Variants in PCDHA5 observed in about 807,000 individuals in gnomAD.
PCDHA5 encodes the protein protocadherin alpha 5.
A neutral mutation model predicts 61.6 loss-of-function variants in PCDHA5; 43 were observed. The ratio of observed to expected loss-of-function variants is 0.70; its 90% CI spans 0.55 to 0.90. The LOEUF (loss-of-function observed/expected upper bound fraction) is 0.90. Among genes scored for constraint, PCDHA5 ranks in the 40% least tolerant of loss-of-function variants. The probability of loss-of-function intolerance (pLI) is 0.00; values close to 1 mark genes in which losing one functional copy is unlikely to be tolerated. For synonymous variants in PCDHA5, 627 were observed against 543.9 expected, an observed-to-expected ratio of 1.15 and a Z score of -2.13; for missense variants, 1,298 against 1,222.7, an observed-to-expected ratio of 1.06 and a Z score of -0.92.
rs1554149565 is a variant in PCDHA5, at chr5:140,857,132, G to T, written c.2352+33005G>T. Reference sequence around the variant, plus strand: ...TCTGTCTCTCCCAGTGAAAGAAGATGCTCAAGTGGGCACCGTCATTGCCCT... The same window carrying T: ...TCTGTCTCTCCCAGTGAAAGAAGATTCTCAAGTGGGCACCGTCATTGCCCT... On this transcript the variant is annotated intron_variant, in intron 1 of 3. Coordinates refer to ENST00000529859, the MANE Select transcript of PCDHA5 (RefSeq NM_018908.3). The T allele has an allele frequency of 3.1e-6, 5 of 1,598,146 alleles. 1 individual carries two copies. The South Asian group carries it at 3.3e-5, about 11-fold the overall frequency.
rs1192658029 is a variant in PCDHA5 at position 141,011,915 on chromosome 5, A to G, written c.*1978A>G. On this transcript the variant is annotated 3_prime_UTR_variant, in exon 4 of 4. Coordinates refer to ENST00000529859, the MANE Select transcript of PCDHA5 (RefSeq NM_018908.3). Reference sequence around the variant, plus strand: ...ATATTATCTATTTAGGCATTAATATAAAAGAGGTAGGAGTCTGTTATTTAA... The same window carrying G: ...ATATTATCTATTTAGGCATTAATATGAAAGAGGTAGGAGTCTGTTATTTAA... 1 of 153,728 alleles carries G rather than the reference A, an allele frequency of 6.5e-6. No homozygotes were observed. Among genetic ancestry groups the G allele is most frequent in the Admixed American group, 6.5e-5 (1 of 15,286 alleles). 9.5% of individuals were successfully genotyped at this position (153,728 alleles called of 1,614,324 possible). A position where few individuals can be genotyped will look rare whatever the true frequency, so the allele number is the denominator to read the frequency against.
At position 140,823,110 on chromosome 5, in the gene PCDHA5, C is replaced by A. The variant is rs2150122404; in HGVS notation, c.1335C>A (p.Ala445=). ...WATASVSVEV[A]DVNDNAPAFA... Reference sequence around the variant, plus strand: ...CCGCCAGCGTGTCTGTGGAAGTGGCCGACGTGAACGACAACGCTCCGGCGT... The same window carrying A: ...CCGCCAGCGTGTCTGTGGAAGTGGCAGACGTGAACGACAACGCTCCGGCGT... Residue 445 remains alanine (A), a synonymous_variant, in exon 1 of 4, where the codon GCC becomes GCA. Transcript: ENST00000529859. 1 of 1,614,002 alleles carries A rather than the reference C, an allele frequency of 6.2e-7. No individual in the cohort carries two copies. The highest frequency in any genetic ancestry group is 2.2e-5 in the East Asian group (1 of 44,876).
At position 140,836,025 on chromosome 5, in the gene PCDHA5, A is replaced by G. The variant is rs2150250973; in HGVS notation, c.2352+11898A>G. 6 of 1,613,528 alleles carry G rather than the reference A, an allele frequency of 3.7e-6. 1 individual carries two copies. In the South Asian group the frequency reaches 5.5e-5, roughly 15 times the overall value. Reference sequence around the variant, plus strand: ...TGCGGGCGTGCCGCCTCTGGGCAGCAACGTGACGCTGCAGGTGTTCGTGCT... The same window carrying G: ...TGCGGGCGTGCCGCCTCTGGGCAGCGACGTGACGCTGCAGGTGTTCGTGCT... On this transcript the variant is annotated intron_variant, in intron 1 of 3. Coordinates refer to ENST00000529859, the MANE Select transcript of PCDHA5 (RefSeq NM_018908.3).
chr5:140,909,895 C>A (rs1296442880), intron 1 of PCDHA5, among the ~76,000 whole-genome samples: 1 of 152,152 alleles, frequency 6.6e-6, no homozygotes, highest in Non-Finnish European at 1.5e-5. Context: ...GTTCAGTAGT[C>A]CCTGAAATGG....
chr5:140,923,508 G>C (rs570497442), intron 1 of PCDHA5, among the ~76,000 whole-genome samples: 1 of 152,222 alleles, frequency 6.6e-6, no homozygotes, highest in Non-Finnish European at 1.5e-5. Flanking sequence ...CAGCCTGGAT[G>C]ATGAAGTGAG....
chr5:140,844,744 G>C (rs1779527366), intron 1 of PCDHA5, among the ~76,000 whole-genome samples: 1 of 149,016 alleles, frequency 6.7e-6, no homozygotes, highest in Non-Finnish European at 1.5e-5. Flanking sequence ...TAGTATTATG[G>C]GATAAATCTT....
At chr5:140,902,938 C>T (rs2069876653) in intron 1 of PCDHA5, among the ~76,000 whole-genome samples, 1 of 152,186 alleles carries the variant, frequency 6.6e-6, no homozygotes. Flanking sequence ...ATATATACCA[C>T]ATTTTCTTTA....
rs2150495171 is a variant in PCDHA5, at chr5:140,850,706, G to C, written c.2352+26579G>C. 11 of 1,598,012 alleles carry C rather than the reference G, an allele frequency of 6.9e-6. 1 individual carries two copies. The highest frequency in any genetic ancestry group is 1.7e-5 in the Admixed American group (1 of 59,234). The stretch of plus-strand genomic sequence containing the variant: ...AGGGCGAGTGCGCGCCTGGCAAGCC[G>C]ACGCTGGTGTGTTCTAGCGCGGTGG... On this transcript the variant is annotated intron_variant, in intron 1 of 3. Transcript: ENST00000529859.
intron 3 of PCDHA5, among the ~76,000 whole-genome samples, chr5:141,000,365 C>G (rs1413548696): frequency 7.8e-5 from 1 of 12,832 alleles, no homozygotes; most frequent in Non-Finnish European, 1.3e-4. Flanking sequence ...CTCTCTGTCT[C>G]TCTCTCTCTC....
Position 140,892,397 on chromosome 5 carries a change from T to C in PCDHA5, c.2352+68270T>C, listed in dbSNP as rs554853881. On this transcript the variant is annotated intron_variant, in intron 1 of 3. Coordinates refer to ENST00000529859, the MANE Select transcript of PCDHA5 (RefSeq NM_018908.3). ...GCAATCATGGGTAATCTTAATCTAT[T>C]TCAAGCTTCAGGTATTCTAGATAAA... is the stretch of plus-strand genomic sequence containing the variant. Among the ~76,000 whole-genome samples the C allele has an allele frequency of 2.0e-5, 3 of 152,326 alleles. No homozygotes were observed. The South Asian group carries it at 6.2e-4, about 32-fold the overall frequency.
At chr5:140,858,173 C>G (rs782491809) in intron 1 of PCDHA5, 1 of 1,597,720 alleles carries the variant, frequency 6.3e-7, no homozygotes, top group Admixed American at 1.7e-5. Context: ...GTCCAGCTTG[C>G]TGGTGCTCAC....
intron 1 of PCDHA5, chr5:140,867,342 T>C (rs1397691528): frequency 6.6e-6 from 1 of 152,154 alleles, no homozygotes; most frequent in Non-Finnish European, 1.5e-5. Flanking sequence ...GATTAGAGGC[T>C]ACTATGATTG....
At chr5:140,968,846 C>T (rs1554231159) in intron 1 of PCDHA5, 1 of 1,614,186 alleles carries the variant, frequency 6.2e-7, no homozygotes. Context: ...CACTCAGAGG[C>T]ATGTTAAGAG....
rs2150325780 is a variant in PCDHA5 at position 140,841,933 on chromosome 5, C to A, written c.2352+17806C>A. 1.5e-5 allele frequency: 24 copies of A among 1,613,740 alleles called. 1 individual carries two copies. Among genetic ancestry groups the A allele is most frequent in the South Asian group, 4.4e-5 (4 of 91,086 alleles). ...TAAGAAAATCCTTGGACAGAGAGGA[C>A]GCTCCTGCGCACCACTTATTCCTGA... On this transcript the variant is annotated intron_variant, in intron 1 of 3. Transcript: ENST00000529859.
At chr5:140,826,184 A>G (rs1392626377) in intron 1 of PCDHA5, among the ~76,000 whole-genome samples, 1 of 152,236 alleles carries the variant, frequency 6.6e-6, no homozygotes, top group African/African-American at 2.4e-5. Context: ...CTATAAATCT[A>G]AAGTTAACAA....
At position 140,877,451 on chromosome 5, in the gene PCDHA5, C is replaced by T. The variant is rs782361627; in HGVS notation, c.2352+53324C>T. ...AAGGACCACGGTGAGCCCGCGCTGA[C>T]GTCCACGGCCACGGTGCTGGTGTCG... On this transcript the variant is annotated intron_variant, in intron 1 of 3. Coordinates refer to ENST00000529859, the MANE Select transcript of PCDHA5 (RefSeq NM_018908.3). The T allele has an allele frequency of 3.5e-5, 57 of 1,613,672 alleles. No individual in the cohort carries two copies. The East Asian group carries it at 1.2e-3, about 35-fold the overall frequency.
intron 1 of PCDHA5, chr5:140,855,934 G>A (rs1581379026): frequency 1.5e-6 from 2 of 1,294,846 alleles, no homozygotes; most frequent in South Asian, 1.5e-5. Flanking sequence ...GCGTCATTCT[G>A]AGATCTCAGC....
chr5:140,857,717 G>T, intron 1 of PCDHA5: 1 of 1,597,518 alleles, frequency 6.3e-7, no homozygotes, highest in Non-Finnish European at 8.6e-7. Context: ...CGTGCTGGAC[G>T]AGAACGACAA....
chr5:140,985,494 C>G (rs1217361161), intron 3 of PCDHA5, among the ~76,000 whole-genome samples: 2 of 152,136 alleles, frequency 1.3e-5, no homozygotes, highest in Non-Finnish European at 2.9e-5. Flanking sequence ...TCAAATAGAG[C>G]CTGCCTTTCA....
Sources: gnomAD v4.1 joint callset for allele counts (sites outside exome capture counted in the v4.1 genomes callset) on GRCh38, gnomAD v4.1.1 for gene constraint, MANE v1.5 for transcripts, NCBI Gene and HGNC (gene_info 2026-07-23, HGNC 2026-07-21) for gene names.